Variants in PIK3R1 observed in about 807,000 individuals in gnomAD.
PIK3R1 encodes the protein phosphatidylinositol 3-kinase regulatory subunit alpha.
Under a neutral mutation model 98.0 loss-of-function variants are expected in PIK3R1, and 29 were observed. The ratio of observed to expected loss-of-function variants is 0.30; its 90% CI spans 0.22 to 0.40. The LOEUF (loss-of-function observed/expected upper bound fraction) is 0.40, where lower values mean the gene tolerates loss of function less well. PIK3R1 is among the 10% of genes least tolerant of loss of function. The pLI is 1.00. For synonymous variants in PIK3R1, 282 were observed against 311.8 expected (o/e 0.90, Z 1.01); for missense variants, 596 against 872.7 (o/e 0.68, Z 3.99).
At chr5:68,248,945 C>G (rs931449335) in intron 2 of PIK3R1, among the ~76,000 whole-genome samples, 1 of 152,186 alleles carries the variant, frequency 6.6e-6, no homozygotes, top group Non-Finnish European at 1.5e-5. Flanking sequence ...TTTGCATTTT[C>G]CAGCATACTG....
At chr5:68,265,857 C>A (rs564057059) in intron 2 of PIK3R1, among the ~76,000 whole-genome samples, 1 of 152,266 alleles carries the variant, frequency 6.6e-6, no homozygotes, top group Non-Finnish European at 1.5e-5. Context: ...ACAATTCTTT[C>A]AACTTTTCAG....
intron 2 of PIK3R1, among the ~76,000 whole-genome samples, chr5:68,251,303 T>C (rs998113679): frequency 2.0e-5 from 3 of 152,148 alleles, no homozygotes; most frequent in Non-Finnish European, 2.9e-5. Context: ...GCAGCACATC[T>C]CTGGTAGCCC....
chr5:68,275,634 T>C (rs1240938286), intron 4 of PIK3R1, among the ~76,000 whole-genome samples: 2 of 151,910 alleles, frequency 1.3e-5, no homozygotes, highest in Non-Finnish European at 2.9e-5. Flanking sequence ...TCAAAACACA[T>C]AGAAAACTGG....
At chr5:68,273,114 G>A (rs1378931036) in intron 2 of PIK3R1, among the ~76,000 whole-genome samples, 1 of 152,126 alleles carries the variant, frequency 6.6e-6, no homozygotes, top group Admixed American at 6.5e-5. Context: ...GGGCCCAGGG[G>A]TGTACCTAGA....
intron 2 of PIK3R1, among the ~76,000 whole-genome samples, chr5:68,270,662 A>G (rs1746317380): frequency 6.6e-6 from 1 of 152,146 alleles, no homozygotes; most frequent in African/African-American, 2.4e-5. Flanking sequence ...GGGTGTGCTA[A>G]GTCTTGTTAG....
At chr5:68,220,197 G>T (rs1419352356) in intron 1 of PIK3R1, among the ~76,000 whole-genome samples, 2 of 152,124 alleles carry the variant, frequency 1.3e-5, no homozygotes, top group African/African-American at 2.4e-5. Context: ...CTTTCCTGAG[G>T]TTACATATTT....
At chr5:68,217,637 T>TTTGGGGGGGGG (rs1299066140) in intron 1 of PIK3R1, 3 of 140,286 alleles carry the variant, frequency 2.1e-5, no homozygotes, top group Admixed American at 6.9e-5. Flanking sequence ...GGGGTGTGTG[T>TTTGGGGGGGGG]GTGTGTGTGT....
Position 68,293,094 on chromosome 5 carries a change from A to G in PIK3R1, c.1020-7A>G, listed in dbSNP as rs1162648287. ...AAGATGAGCATTGTTTTGTGTTTTC[A>G]TTTCAGGGAAGAAGTGAATGAAAAA... On this transcript the variant is annotated splice_polypyrimidine_tract_variant and splice_region_variant and intron_variant, in intron 8 of 15. Transcript: ENST00000521381. 1.9e-6 allele frequency: 3 copies of G among 1,606,880 alleles called. No homozygotes were observed. In the African/African-American group the frequency reaches 4.0e-5, roughly 22 times the overall value.
intron 5 of PIK3R1, 34 bp from the exon 6 acceptor site, chr5:68,280,494 T>G (rs1159614974): frequency 1.4e-6 from 2 of 1,411,248 alleles, no homozygotes; most frequent in African/African-American, 1.4e-5. Flanking sequence ...AGTCGCTTAC[T>G]CATTTCTCTT....
chr5:68,235,872 A>ATTTTT (rs56930555), intron 2 of PIK3R1, among the ~76,000 whole-genome samples: 1 of 146,644 alleles, frequency 6.8e-6, no homozygotes, highest in Non-Finnish European at 1.5e-5. Context: ...TCTGCCAGGC[A>ATTTTT]TTTTTTTTTT....
intron 7 of PIK3R1, among the ~76,000 whole-genome samples, chr5:68,284,652 T>G (rs1013756441): frequency 1.3e-5 from 2 of 152,240 alleles, no homozygotes; most frequent in African/African-American, 4.8e-5. Context: ...CACCTTATGT[T>G]TAACTGTCTA....
At chr5:68,274,400 AC>A (rs1281030849) in intron 4 of PIK3R1, among the ~76,000 whole-genome samples, 3 of 152,178 alleles carry the variant, frequency 2.0e-5, no homozygotes, top group African/African-American at 4.8e-5. Flanking sequence ...AGCCTATGTC[AC>A]TTAAGAAATG....
chr5:68,292,213 C>A lies in PIK3R1; in HGVS notation c.917-46C>A, dbSNP rs754367568. 6.0e-6 allele frequency: 7 copies of A among 1,160,550 alleles called. No individual in the cohort carries two copies. The East Asian group carries it at 1.2e-4, about 19-fold the overall frequency. 71.9% of individuals were successfully genotyped at this position (1,160,550 alleles called of 1,614,324 possible). On this transcript the variant is annotated intron_variant, in intron 7 of 15. Transcript: ENST00000521381. Reference sequence around the variant, plus strand: ...AGTATTCATCTAAAGAAATTTAGTTCTAATGTAGTTGGGATTGCGAACAAC... The same window carrying A: ...AGTATTCATCTAAAGAAATTTAGTTATAATGTAGTTGGGATTGCGAACAAC...
intron 2 of PIK3R1, among the ~76,000 whole-genome samples, chr5:68,233,916 A>G (rs1460875170): frequency 1.3e-5 from 2 of 152,122 alleles, no homozygotes; most frequent in Admixed American, 6.5e-5. Flanking sequence ...ATGTATTTGT[A>G]TTTGTCTGTC....
intron 2 of PIK3R1, among the ~76,000 whole-genome samples, chr5:68,250,668 A>G (rs1375534108): frequency 6.6e-6 from 1 of 152,132 alleles, no homozygotes; most frequent in Non-Finnish European, 1.5e-5. Context: ...TTTGGGGAAA[A>G]TGTGTTCTGG....
At chr5:68,253,131 T>C (rs897508594) in intron 2 of PIK3R1, among the ~76,000 whole-genome samples, 6 of 152,258 alleles carry the variant, frequency 3.9e-5, no homozygotes, top group Non-Finnish European at 7.3e-5. Context: ...TACTTTTTCC[T>C]TGAATATTTT....
intron 1 of PIK3R1, among the ~76,000 whole-genome samples, chr5:68,220,716 C>T (rs1744064099): frequency 6.6e-6 from 1 of 152,206 alleles, no homozygotes; most frequent in Admixed American, 6.5e-5. Context: ...ACACACCCAG[C>T]CCTGAGCATG....
At chr5:68,257,094 G>T (rs1158577647) in intron 2 of PIK3R1, among the ~76,000 whole-genome samples, 2 of 152,332 alleles carry the variant, frequency 1.3e-5, no homozygotes, top group African/African-American at 4.8e-5. Context: ...AGCAAGAGCT[G>T]CCTGGCCCAG....
rs199658184 is a variant in PIK3R1 at position 68,262,913 on chromosome 5, A to G, written c.335-10477A>G. 5.2e-4 allele frequency among the ~76,000 whole-genome samples: 14 copies of G among 27,124 alleles called. 3 individuals carry two copies. The highest frequency in any genetic ancestry group is 1.9e-3 in the African/African-American group (9 of 4,620). The allele number at this position is 27,124 out of a possible 152,430, so 17.8% of individuals were successfully genotyped here. On this transcript the variant is annotated intron_variant, in intron 2 of 15. Coordinates refer to ENST00000521381, the MANE Select transcript of PIK3R1 (RefSeq NM_181523.3). ...CATGTATACATATATACATGTAGAT[A>G]CATGTAGATACATGTATACATATAT...
Sources: gnomAD v4.1 joint callset for allele counts (sites outside exome capture counted in the v4.1 genomes callset) on GRCh38, gnomAD v4.1.1 for gene constraint, MANE v1.5 for transcripts, NCBI Gene and HGNC (gene_info 2026-07-23, HGNC 2026-07-21) for gene names.